SGCD: variants seen among roughly 807,000 people sequenced by gnomAD.
SGCD encodes the protein delta-sarcoglycan.
SGCD carries 18 observed loss-of-function variants against 36.6 expected under a neutral mutation model. The observed-to-expected ratio is 0.49, with a 90% CI of 0.34 to 0.73. The LOEUF (loss-of-function observed/expected upper bound fraction) is 0.73, where lower values mean the gene tolerates loss of function less well. Ranked by LOEUF, SGCD falls within the 30% of genes least tolerant of loss-of-function variation. The pLI is 0.01. For synonymous variants in SGCD, 133 were observed against 130.6 expected, an observed-to-expected ratio of 1.02 and a Z score of -0.12; for missense variants, 387 against 346.7, an observed-to-expected ratio of 1.12 and a Z score of -0.92.
At chr5:155,918,568 A>G (rs1377799707) in intron 1 of SGCD, among the ~76,000 whole-genome samples, 1 of 152,214 alleles carries the variant, frequency 6.6e-6, no homozygotes, top group African/African-American at 2.4e-5. Context: ...ATCTCAAAAG[A>G]CATAAAAATA....
At chr5:155,794,114 A>G in the SGCD span, among the ~76,000 whole-genome samples, 4 of 152,182 alleles carry the variant, frequency 2.6e-5, no homozygotes, top group East Asian at 7.7e-4. Flanking sequence ...ACAGCACTAC[A>G]CTGTAGGGGG....
intron 3 of SGCD, among the ~76,000 whole-genome samples, chr5:156,321,420 AAAATAAATAAACAAATAAAT>A (rs1344240908): frequency 7.7e-6 from 1 of 130,214 alleles, no homozygotes; most frequent in Non-Finnish European, 1.6e-5. Context: ...ACTCCGACTG[AAAATAAATAAACAAATAAAT>A]AAATAAATAA....
intron 3 of SGCD, among the ~76,000 whole-genome samples, chr5:156,369,248 T>C (rs1770264081): frequency 6.6e-6 from 1 of 152,250 alleles, no homozygotes; most frequent in East Asian, 1.9e-4. Context: ...ATAAGGACTT[T>C]TGTTTGCAGT....
chr5:155,964,886 C>T (rs565271382), intron 1 of SGCD, among the ~76,000 whole-genome samples: 7 of 152,246 alleles, frequency 4.6e-5, no homozygotes, highest in Admixed American at 4.6e-4. Flanking sequence ...CATGTATTCT[C>T]CACTTGCCCC....
the SGCD span, among the ~76,000 whole-genome samples, chr5:155,787,424 CTT>C: frequency 6.6e-6 from 1 of 152,094 alleles, no homozygotes; most frequent in African/African-American, 2.4e-5. Context: ...TTTAATATCA[CTT>C]TTATGTTCCC....
intron 6 of SGCD, among the ~76,000 whole-genome samples, chr5:156,641,002 A>G (rs1763007407): frequency 6.6e-6 from 1 of 152,212 alleles, no homozygotes; most frequent in Non-Finnish European, 1.5e-5. Context: ...CCCTGTGCTT[A>G]ATCCTGACAC....
intron 7 of SGCD, among the ~76,000 whole-genome samples, chr5:156,669,086 G>A (rs1016002916): frequency 6.6e-6 from 1 of 152,140 alleles, no homozygotes. Flanking sequence ...GACAACTGGT[G>A]GTGAAGGCCT....
intron 6 of SGCD, among the ~76,000 whole-genome samples, chr5:156,622,435 A>AAT (rs1762285008): frequency 5.8e-5 from 8 of 137,086 alleles, no homozygotes; most frequent in Non-Finnish European, 7.7e-5. Flanking sequence ...TCTGTCTAAA[A>AAT]AATAATAATA....
chr5:156,007,272 C>T (rs1225147069), intron 1 of SGCD, among the ~76,000 whole-genome samples: 1 of 152,148 alleles, frequency 6.6e-6, no homozygotes, highest in Non-Finnish European at 1.5e-5. Context: ...AGGATAACTC[C>T]ATTCCCCTGC....
intron 1 of SGCD, among the ~76,000 whole-genome samples, chr5:155,988,091 G>GA (rs1463271429): frequency 2.2e-4 from 33 of 152,286 alleles, no homozygotes; most frequent in African/African-American, 7.7e-4. Context: ...GTCAGTGGCA[G>GA]AAGATGAGTT....
At chr5:156,586,775 C>T (rs952180177) in intron 4 of SGCD, among the ~76,000 whole-genome samples, 1 of 152,152 alleles carries the variant, frequency 6.6e-6, no homozygotes, top group African/African-American at 2.4e-5. Context: ...TAAACACTTC[C>T]TTTCTGGCAT....
chr5:155,980,565 G>A (rs572355762), intron 1 of SGCD, among the ~76,000 whole-genome samples: 2 of 110,174 alleles, frequency 1.8e-5, no homozygotes, highest in South Asian at 6.9e-4. Flanking sequence ...TCCAGCCTCG[G>A]TGACAGAGCA....
chr5:156,597,854 CA>C (rs1460708474), intron 6 of SGCD, among the ~76,000 whole-genome samples: 1 of 152,124 alleles, frequency 6.6e-6, no homozygotes, highest in Non-Finnish European at 1.5e-5. Context: ...GGGTAGACAC[CA>C]TTTTTATCAC....
intron 4 of SGCD, among the ~76,000 whole-genome samples, chr5:156,560,066 G>A (rs751122464): frequency 1.3e-5 from 2 of 152,208 alleles, no homozygotes; most frequent in Non-Finnish European, 2.9e-5. Flanking sequence ...TTGCCATGGT[G>A]ATGGAGTTAG....
intron 1 of SGCD, among the ~76,000 whole-genome samples, chr5:156,020,079 T>G (rs563004005): frequency 6.6e-6 from 1 of 152,346 alleles, no homozygotes; most frequent in South Asian, 2.1e-4. Flanking sequence ...CCAGATCGAC[T>G]GTAAAACATT....
chr5:156,136,269 T>C (rs1461476408), intron 3 of SGCD, among the ~76,000 whole-genome samples: 1 of 152,142 alleles, frequency 6.6e-6, no homozygotes, highest in African/African-American at 2.4e-5. Context: ...CACACCATCA[T>C]ACCTGGCTAA....
chr5:156,650,064 G>A (rs1384547953), intron 7 of SGCD, among the ~76,000 whole-genome samples: 2 of 151,982 alleles, frequency 1.3e-5, no homozygotes, highest in Non-Finnish European at 2.9e-5. Context: ...AACTCTCCAA[G>A]CATTAGCCCA....
At chr5:156,200,670 A>G (rs761744675) in intron 3 of SGCD, among the ~76,000 whole-genome samples, 1 of 152,190 alleles carries the variant, frequency 6.6e-6, no homozygotes, top group Non-Finnish European at 1.5e-5. Flanking sequence ...TATGCAAACT[A>G]GTATGGAGGC....
chr5:155,864,689 T>C, the SGCD span, among the ~76,000 whole-genome samples: 8 of 152,222 alleles, frequency 5.3e-5, no homozygotes, highest in African/African-American at 1.9e-4. Flanking sequence ...TAAATGGTGG[T>C]ATTCCAGAAA....
Sources: gnomAD v4.1 joint callset for allele counts (sites outside exome capture counted in the v4.1 genomes callset) on GRCh38, gnomAD v4.1.1 for gene constraint, MANE v1.5 for transcripts, NCBI Gene and HGNC (gene_info 2026-07-23, HGNC 2026-07-21) for gene names.